The following CACNB2 variants were observed in gnomAD, a reference collection of about 807,000 sequenced individuals.
CACNB2 encodes voltage-dependent L-type calcium channel subunit beta-2.
A neutral mutation model predicts 73.3 loss-of-function variants in CACNB2; 42 were observed. The observed-to-expected ratio is 0.57, with a 90% CI of 0.45 to 0.74. CACNB2 has a LOEUF of 0.74. Ranked by LOEUF, CACNB2 falls within the 30% of genes least tolerant of loss-of-function variation. The pLI is 0.00. For synonymous variants in CACNB2, 348 were observed against 310.3 expected (o/e 1.12, Z -1.28); for missense variants, 940 against 853.0 (o/e 1.10, Z -1.27).
Position 18,220,130 on chromosome 10 carries a change from TATATATATATATATATATATATATAC to T in CACNB2, c.213+69157_213+69182del, listed in dbSNP as rs1386767064. The stretch of plus-strand genomic sequence containing the variant: ...TTTTTAATATATATATATATATATA[TATATATATATATATATATATATATAC>T]ACACACACACACACACATACATATA... On this transcript the variant is annotated intron_variant, in intron 2 of 13. Coordinates refer to ENST00000324631, the MANE Select transcript of CACNB2 (RefSeq NM_201596.3). Among the ~76,000 whole-genome samples the T allele has an allele frequency of 2.9e-3, 101 of 34,940 alleles. 6 individuals are homozygous for T. The highest frequency in any genetic ancestry group is 4.0e-3 in the Non-Finnish European group (88 of 22,128). 22.9% of individuals were successfully genotyped at this position (34,940 alleles called of 152,430 possible).
chr10:18,514,254 C>G lies in CACNB2; in HGVS notation c.689C>G (p.Thr230Ser), dbSNP rs776046024. 1.9e-6 allele frequency: 3 copies of G among 1,614,074 alleles called. No individual in the cohort carries two copies. Among genetic ancestry groups the G allele is most frequent in the South Asian group, 2.2e-5 (2 of 91,072 alleles). The change falls in exon 7 of 14, where the codon ACT becomes AGT. Residue 230 changes from threonine to serine, a missense_variant. By Grantham distance (58) the Thr-to-Ser change is moderately conservative (BLOSUM62 1). Transcript: ENST00000324631. ...PPSSAIDIDA[T>S]GLDAEENDIP... Reference sequence around the variant, plus strand: ...TATATAGCTATAGACATAGATGCTACTGGCTTAGATGCAGAAGAAAATGAT... The same window carrying G: ...TATATAGCTATAGACATAGATGCTAGTGGCTTAGATGCAGAAGAAAATGAT...
intron 2 of CACNB2, among the ~76,000 whole-genome samples, chr10:18,290,354 T>C (rs2039015593): frequency 6.6e-6 from 1 of 151,986 alleles, no homozygotes; most frequent in African/African-American, 2.4e-5. Context: ...TTTATGTTAA[T>C]ACCTATTTCC....
intron 3 of CACNB2, among the ~76,000 whole-genome samples, chr10:18,450,822 G>T (rs2046986509): frequency 6.6e-6 from 1 of 151,944 alleles, no homozygotes; most frequent in Non-Finnish European, 1.5e-5. Context: ...ATTTTTAGTA[G>T]AGACGGGTTT....
In CACNB2 at chr10:18,476,280, G is replaced by A. The variant is rs149920901; in HGVS notation, c.334-22075G>A. Among the ~76,000 whole-genome samples the A allele has an allele frequency of 2.0e-5, 3 of 152,298 alleles. No individual in the cohort carries two copies. In the East Asian group the frequency reaches 5.8e-4, roughly 29 times the overall value. Reference sequence around the variant, plus strand: ...GTGTATTATTGTTACAGTGGAGGGTGTCCACGTTCTTGGCGTCTTCAACAA... The same window carrying A: ...GTGTATTATTGTTACAGTGGAGGGTATCCACGTTCTTGGCGTCTTCAACAA... On this transcript the variant is annotated intron_variant, in intron 3 of 13. Coordinates refer to ENST00000324631, the MANE Select transcript of CACNB2 (RefSeq NM_201596.3).
intron 9 of CACNB2, among the ~76,000 whole-genome samples, chr10:18,525,696 C>G (rs1464805072): frequency 6.6e-6 from 1 of 152,002 alleles, no homozygotes; most frequent in Non-Finnish European, 1.5e-5. Flanking sequence ...TCTTTATTTT[C>G]TTTCCTCTGT....
intron 2 of CACNB2, among the ~76,000 whole-genome samples, chr10:18,401,393 T>C (rs1195710516): frequency 6.6e-6 from 1 of 152,226 alleles, no homozygotes; most frequent in Non-Finnish European, 1.5e-5. Flanking sequence ...GCTGCTAGTG[T>C]CTTACAGTTT....
At chr10:18,360,119 G>A (rs891391825) in intron 2 of CACNB2, among the ~76,000 whole-genome samples, 4 of 152,050 alleles carry the variant, frequency 2.6e-5, no homozygotes, top group African/African-American at 4.8e-5. Flanking sequence ...GTAAGAACAG[G>A]GGAATGAACT....
At chr10:18,470,700 T>C (rs7076247) in intron 3 of CACNB2, among the ~76,000 whole-genome samples, 94,822 of 151,840 alleles carry the variant, frequency 0.62, 29,749 homozygotes, top group South Asian at 0.8. Flanking sequence ...CCCTTTAAAT[T>C]GATTTTTCAC....
chr10:18,472,867 G>C (rs531031933), intron 3 of CACNB2, among the ~76,000 whole-genome samples: 73 of 152,096 alleles, frequency 4.8e-4, no homozygotes, highest in Non-Finnish European at 9.3e-4. Flanking sequence ...CCTTTCTGTA[G>C]CCATTTCAGT....
chr10:18,477,085 G>GCGTA (rs2048480417), intron 3 of CACNB2, among the ~76,000 whole-genome samples: 1 of 152,080 alleles, frequency 6.6e-6, no homozygotes, highest in African/African-American at 2.4e-5. Flanking sequence ...ATTGCAAAGG[G>GCGTA]CGTAGCCTTT....
intron 3 of CACNB2, among the ~76,000 whole-genome samples, chr10:18,494,902 T>A (rs1159940575): frequency 6.6e-6 from 1 of 151,838 alleles, no homozygotes; most frequent in Non-Finnish European, 1.5e-5. Context: ...CTCTACAAAG[T>A]TTTTTTAAAA....
intron 2 of CACNB2, among the ~76,000 whole-genome samples, chr10:18,360,159 A>G (rs1281153811): frequency 1.3e-5 from 2 of 152,348 alleles, no homozygotes; most frequent in African/African-American, 4.8e-5. Context: ...AGTTATTCCA[A>G]CAACCTCAGA....
intron 3 of CACNB2, among the ~76,000 whole-genome samples, chr10:18,440,387 G>C (rs138620177): frequency 6.6e-6 from 1 of 152,220 alleles, no homozygotes; most frequent in Non-Finnish European, 1.5e-5. Flanking sequence ...TGGCTTCTGT[G>C]GGCCAAGCGC....
At chr10:18,359,383 C>G (rs1038333920) in intron 2 of CACNB2, among the ~76,000 whole-genome samples, 1 of 152,018 alleles carries the variant, frequency 6.6e-6, no homozygotes, top group Admixed American at 6.6e-5. Flanking sequence ...GTGATTCTCC[C>G]ACCTCAGCCT....
intron 2 of CACNB2, among the ~76,000 whole-genome samples, chr10:18,159,094 A>G (rs1241448223): frequency 1.3e-5 from 2 of 151,918 alleles, no homozygotes; most frequent in Non-Finnish European, 2.9e-5. Flanking sequence ...TCTTAAAGAC[A>G]TGTGTTCTCC....
chr10:18,216,230 G>A (rs1029240076), intron 2 of CACNB2, among the ~76,000 whole-genome samples: 7 of 152,128 alleles, frequency 4.6e-5, no homozygotes, highest in Non-Finnish European at 7.4e-5. Context: ...CTGGGAGGTG[G>A]TGGTTGCAGT....
At chr10:18,303,675 G>C (rs1036847967) in intron 2 of CACNB2, among the ~76,000 whole-genome samples, 6 of 152,122 alleles carry the variant, frequency 3.9e-5, no homozygotes, top group African/African-American at 1.4e-4. Flanking sequence ...TACTTTTTCA[G>C]TTATCCTGGA....
intron 2 of CACNB2, among the ~76,000 whole-genome samples, chr10:18,163,834 A>G (rs2131106688): frequency 6.6e-6 from 1 of 152,282 alleles, no homozygotes; most frequent in African/African-American, 2.4e-5. Context: ...ACCCCAGAGC[A>G]GGGTTATTAA....
chr10:18,403,330 T>C (rs1381674910), intron 3 of CACNB2, among the ~76,000 whole-genome samples: 1 of 152,234 alleles, frequency 6.6e-6, no homozygotes, highest in Non-Finnish European at 1.5e-5. Context: ...TTAAATAATG[T>C]ATGACAGTCT....
Sources: allele counts gnomAD v4.1 joint callset (sites outside exome capture counted in the v4.1 genomes callset), GRCh38; gene constraint gnomAD v4.1.1; transcripts MANE v1.5; gene names NCBI Gene and HGNC (gene_info 2026-07-23, HGNC 2026-07-21).